TLN2: variants seen among roughly 807,000 people sequenced by gnomAD.
TLN2 encodes talin-2.
A neutral mutation model predicts 294.7 loss-of-function variants in TLN2; 118 were observed. The ratio of observed to expected loss-of-function variants is 0.40; its 90% CI spans 0.34 to 0.47. TLN2 has a LOEUF of 0.47. Among genes scored for constraint, TLN2 ranks in the 20% least tolerant of loss-of-function variants. The probability of loss-of-function intolerance (pLI) is 0.84; values close to 1 mark genes in which losing one functional copy is unlikely to be tolerated. For synonymous variants in TLN2, 1,431 were observed against 1,304.5 expected (o/e 1.10, Z -2.09); for missense variants, 3,083 against 3,282.2 (o/e 0.94, Z 1.48).
chr15:62,674,811 A>T lies in TLN2; in HGVS notation c.853-406A>T, dbSNP rs111397066. On this transcript the variant is annotated intron_variant, in intron 10 of 58. Coordinates refer to ENST00000636159, the MANE Select transcript of TLN2 (RefSeq NM_015059.3). ...GCCACCACACCCAGCCAATACATTG[A>T]GGATGGATGTTAGAATGACACCTCT... 6.1e-4 allele frequency among the ~76,000 whole-genome samples: 93 copies of T among 152,328 alleles called. 1 individual carries two copies. The East Asian group carries it at 6.8e-3, about 11-fold the overall frequency.
At chr15:62,629,262 AC>A (rs890997020) in intron 3 of TLN2, among the ~76,000 whole-genome samples, 2 of 152,198 alleles carry the variant, frequency 1.3e-5, no homozygotes, top group Non-Finnish European at 1.5e-5. Context: ...CCTTGGTGTC[AC>A]CAGCTTTTTG....
intron 1 of TLN2, among the ~76,000 whole-genome samples, chr15:62,577,382 T>TGCG (rs2044515402): frequency 6.6e-6 from 1 of 152,146 alleles, no homozygotes; most frequent in Non-Finnish European, 1.5e-5. Flanking sequence ...AGGCGGAGGT[T>TGCG]GTGGTGAGCC....
intron 3 of TLN2, among the ~76,000 whole-genome samples, chr15:62,643,873 T>G (rs1420763052): frequency 6.6e-6 from 1 of 152,000 alleles, no homozygotes; most frequent in Non-Finnish European, 1.5e-5. Context: ...AGAATAGAGA[T>G]TATGTATGGT....
chr15:62,531,599 G>A (rs911252910), intron 1 of TLN2, among the ~76,000 whole-genome samples: 3 of 152,208 alleles, frequency 2.0e-5, no homozygotes, highest in African/African-American at 4.8e-5. Flanking sequence ...TATTGAATAT[G>A]TTAGCCTGAT....
intron 1 of TLN2, among the ~76,000 whole-genome samples, chr15:62,479,851 C>T (rs2037985404): frequency 6.6e-6 from 1 of 152,206 alleles, no homozygotes; most frequent in Non-Finnish European, 1.5e-5. Flanking sequence ...TGTCCCAGGC[C>T]CAGCACAGGA....
At chr15:62,750,283 A>T in intron 33 of TLN2, 119 bp from the exon 34 acceptor site, 1 of 807,058 alleles carries the variant, frequency 1.2e-6, no homozygotes, top group Non-Finnish European at 2.1e-6. Flanking sequence ...CATCTGAGTA[A>T]AAGTGATCAT....
chr15:62,562,555 A>ATTTC (rs2043050555), intron 1 of TLN2, among the ~76,000 whole-genome samples: 1 of 147,054 alleles, frequency 6.8e-6, no homozygotes, highest in South Asian at 2.1e-4. Flanking sequence ...TTATTTATTT[A>ATTTC]TTTCCATAGG....
intron 1 of TLN2, among the ~76,000 whole-genome samples, chr15:62,580,848 C>CG (rs1183488795): frequency 1.3e-5 from 2 of 151,042 alleles, no homozygotes; most frequent in Non-Finnish European, 2.9e-5. Context: ...CTGCCTTCGC[C>CG]CCGCCCCCTG....
intron 1 of TLN2, among the ~76,000 whole-genome samples, chr15:62,447,590 T>C (rs1200581838): frequency 2.0e-5 from 3 of 150,760 alleles, no homozygotes; most frequent in Non-Finnish European, 2.9e-5. Flanking sequence ...GCCTCCTGGG[T>C]TCACGCCATT....
rs1477025131 is a variant in TLN2 at position 62,445,622 on chromosome 15, G to C, written c.-238+54937G>C. On this transcript the variant is annotated intron_variant, in intron 1 of 58. Coordinates refer to ENST00000636159, the MANE Select transcript of TLN2 (RefSeq NM_015059.3). ...AAAAGTCAGTCAAGCGTCTTATTCA[G>C]CTATACAAATTACAGATGTCAGTAT... is the stretch of plus-strand genomic sequence containing the variant. 2.0e-5 allele frequency among the ~76,000 whole-genome samples: 3 copies of C among 152,088 alleles called. No homozygotes were observed. The East Asian group carries it at 5.8e-4, about 29-fold the overall frequency.
rs543120529 is a variant in TLN2, at chr15:62,713,280, A to C, written c.2634+1203A>C. 8.1e-3 allele frequency among the ~76,000 whole-genome samples: 1,225 copies of C among 151,164 alleles called. 18 individuals carry two copies. Among genetic ancestry groups the C allele is most frequent in the African/African-American group, 0.028 (1,141 of 41,284 alleles). ...GAGCAAACCTGCGTCTCAAAAAAAA[A>C]AAAAAAAAACAAAAAATAGATTCAT... On this transcript the variant is annotated intron_variant, in intron 22 of 58. Coordinates refer to ENST00000636159, the MANE Select transcript of TLN2 (RefSeq NM_015059.3).
chr15:62,501,888 G>A (rs572138558), intron 1 of TLN2, among the ~76,000 whole-genome samples: 2 of 152,288 alleles, frequency 1.3e-5, no homozygotes, highest in African/African-American at 4.8e-5. Context: ...AGGGAACTTA[G>A]TGAATGGGCA....
chr15:62,451,695 C>T (rs1313540421), intron 1 of TLN2, among the ~76,000 whole-genome samples: 3 of 152,162 alleles, frequency 2.0e-5, no homozygotes, highest in Admixed American at 1.3e-4. Flanking sequence ...ACCCTGATTA[C>T]CTGGCCAGGG....
At chr15:62,669,524 C>T (rs1185586431) in intron 9 of TLN2, among the ~76,000 whole-genome samples, 3 of 152,144 alleles carry the variant, frequency 2.0e-5, no homozygotes, top group Non-Finnish European at 2.9e-5. Flanking sequence ...AGTGAGTTCT[C>T]AATGCACAGT....
chr15:62,462,597 T>G (rs2036865717), intron 1 of TLN2, among the ~76,000 whole-genome samples: 1 of 152,122 alleles, frequency 6.6e-6, no homozygotes, highest in Non-Finnish European at 1.5e-5. Flanking sequence ...GGAAGTCTGG[T>G]TAGCCAGAGG....
chr15:62,455,558 G>A (rs1417655250), intron 1 of TLN2, among the ~76,000 whole-genome samples: 1 of 152,166 alleles, frequency 6.6e-6, no homozygotes. Context: ...TTTAGAAAGA[G>A]TAACCTACAC....
chr15:62,640,339 G>A (rs1179283618), intron 3 of TLN2: 5 of 456,520 alleles, frequency 1.1e-5, no homozygotes, highest in Non-Finnish European at 2.2e-5. Context: ...GCCTTCCCAG[G>A]AGGTCACGGT....
intron 1 of TLN2, among the ~76,000 whole-genome samples, chr15:62,540,540 C>A (rs1027244749): frequency 6.6e-6 from 1 of 151,786 alleles, no homozygotes; most frequent in African/African-American, 2.4e-5. Context: ...AAGTGTTAAC[C>A]ATAATCTGGC....
intron 7 of TLN2, among the ~76,000 whole-genome samples, chr15:62,654,237 C>A (rs114340605): frequency 6.6e-6 from 1 of 152,190 alleles, no homozygotes; most frequent in Non-Finnish European, 1.5e-5. Context: ...TTCTTCATTG[C>A]ATACCTATGG....
Sources: gnomAD v4.1 joint callset for allele counts (sites outside exome capture counted in the v4.1 genomes callset) on GRCh38, gnomAD v4.1.1 for gene constraint, MANE v1.5 for transcripts, NCBI Gene and HGNC (gene_info 2026-07-23, HGNC 2026-07-21) for gene names.